The following ATL3 variants were observed in gnomAD, a reference collection of about 807,000 sequenced individuals.
ATL3 encodes the protein atlastin-3.
In ATL3, 49 loss-of-function variants were observed where a neutral mutation model predicts 69.5. That is an observed-to-expected ratio of 0.71 (90% CI 0.56 to 0.89). The LOEUF is 0.89. Among genes scored for constraint, ATL3 ranks in the 40% least tolerant of loss-of-function variants. The probability of loss-of-function intolerance (pLI) is 0.00; values close to 1 mark genes in which losing one functional copy is unlikely to be tolerated. For missense variants in ATL3, 606 were observed against 645.7 expected, an observed-to-expected ratio of 0.94 and a Z score of 0.67; for synonymous variants, 214 against 224.1, an observed-to-expected ratio of 0.95 and a Z score of 0.40.
At chr11:63,647,739 T>G (rs1197183748) in intron 5 of ATL3, among the ~76,000 whole-genome samples, 1 of 152,178 alleles carries the variant, frequency 6.6e-6, no homozygotes, top group Non-Finnish European at 1.5e-5. Context: ...TCAGGAAGCC[T>G]CACTAAAAGC....
intron 3 of ATL3, among the ~76,000 whole-genome samples, chr11:63,653,026 C>A (rs902458137): frequency 6.6e-6 from 1 of 152,014 alleles, no homozygotes; most frequent in Admixed American, 6.6e-5. Flanking sequence ...CCAGTCTCTA[C>A]ATAAAATTTA....
At position 63,659,118 on chromosome 11, in the gene ATL3, C is replaced by T. The variant is rs780384834; in HGVS notation, c.181G>A (p.Val61Met). The change falls in exon 2 of 13, where the codon GTG becomes ATG. Residue 61 changes from valine (V) to methionine (M), a missense_variant. Physicochemically the swap from Val to Met is conservative, Grantham distance 21. Coordinates refer to ENST00000398868, the MANE Select transcript of ATL3 (RefSeq NM_015459.5). ...AAGGCACCAGCCACTGAAACCACCA[C>T]CACATCAAGATCTCGGATGTGGTCC... ...LQDHIRDLDVVVVSVAGAFRK... is the reference protein window; with the variant it reads ...LQDHIRDLDVMVVSVAGAFRK... The T allele has an allele frequency of 6.2e-7, 1 of 1,614,122 alleles. No homozygotes were observed. Among genetic ancestry groups the T allele is most frequent in the Admixed American group, 1.7e-5 (1 of 60,002 alleles).
intron 11 of ATL3, chr11:63,632,224 G>T: frequency 1.5e-6 from 1 of 675,540 alleles, no homozygotes. Flanking sequence ...ATAGAACTAT[G>T]CTTCGTGGTG....
intron 1 of ATL3, chr11:63,670,596 CTA>C (rs781395172): frequency 6.6e-6 from 1 of 152,238 alleles, no homozygotes; most frequent in East Asian, 1.9e-4. Context: ...AATACTTTCA[CTA>C]TGTTTCATGT....
At chr11:63,644,382 CTTTTT>C (rs5792299) in intron 6 of ATL3, 121 bp from the exon 7 acceptor site, 19 of 345,142 alleles carry the variant, frequency 5.5e-5, no homozygotes, top group Middle Eastern at 9.0e-4. Context: ...AAGGATTTAC[CTTTTT>C]TTTTTTTTTT....
intron 1 of ATL3, among the ~76,000 whole-genome samples, 198 bp from the exon 2 acceptor site, chr11:63,659,450 C>T (rs1940358248): frequency 6.6e-6 from 1 of 151,900 alleles, no homozygotes; most frequent in African/African-American, 2.4e-5. Flanking sequence ...AACGGTGAAA[C>T]CCAGCGCTAT....
intron 1 of ATL3, 143 bp from the exon 2 acceptor site, chr11:63,659,395 A>C (rs562698463): frequency 3.0e-6 from 2 of 668,350 alleles, no homozygotes; most frequent in Non-Finnish European, 5.0e-6. Flanking sequence ...GGGAAACCAA[A>C]GCAGAAAGAT....
At chr11:63,632,665 T>G (rs1389085395) in intron 11 of ATL3, 7 of 1,137,746 alleles carry the variant, frequency 6.2e-6, no homozygotes, top group Non-Finnish European at 9.3e-6. Flanking sequence ...ATTCGGCCTC[T>G]GAGTGATTTT....
At chr11:63,668,320 T>A (rs952226029) in intron 1 of ATL3, among the ~76,000 whole-genome samples, 1 of 152,122 alleles carries the variant, frequency 6.6e-6, no homozygotes, top group African/African-American at 2.4e-5. Context: ...ACTAAGACCT[T>A]AGCCAACTCT....
intron 11 of ATL3, 77 bp downstream of exon 11, chr11:63,632,949 G>C: frequency 7.5e-7 from 1 of 1,326,404 alleles, no homozygotes; most frequent in Non-Finnish European, 1.1e-6. Flanking sequence ...CATTAAGTAG[G>C]ATCAAGTTGG....
chr11:63,671,376 G>T lies in ATL3; in HGVS notation c.-41C>A. 6.4e-7 allele frequency: 1 copy of T among 1,555,084 alleles called. No homozygotes were observed. Among genetic ancestry groups the T allele is most frequent in the East Asian group, 2.6e-5 (1 of 38,858 alleles). On this transcript the variant is annotated 5_prime_UTR_variant, in exon 1 of 13. Coordinates refer to ENST00000398868, the MANE Select transcript of ATL3 (RefSeq NM_015459.5). ...AAAGCAGAAGCAGCAGGGGTGCAGA[G>T]GAGAGGGACGGGTGCGGGCGGGAAC...
chr11:63,631,557 G>A (rs1170077902), intron 11 of ATL3, 86 bp from the exon 12 acceptor site: 2 of 1,208,188 alleles, frequency 1.7e-6, no homozygotes, highest in Admixed American at 2.6e-5. Context: ...GAAAGGATTA[G>A]AATGTTTTAA....
intron 3 of ATL3, among the ~76,000 whole-genome samples, chr11:63,654,145 A>AT (rs1330665161): frequency 3.6e-4 from 53 of 149,256 alleles, no homozygotes; most frequent in Non-Finnish European, 4.3e-4. Flanking sequence ...TAAAGATACA[A>AT]TTTGTTTTTT....
At chr11:63,649,316 T>C (rs1443294746) in intron 5 of ATL3, among the ~76,000 whole-genome samples, 1 of 152,122 alleles carries the variant, frequency 6.6e-6, no homozygotes, top group African/African-American at 2.4e-5. Flanking sequence ...CAGCTAATTT[T>C]TGTATTTTTA....
At chr11:63,651,047 G>C (rs1231797016) in intron 5 of ATL3, among the ~76,000 whole-genome samples, 2 of 152,128 alleles carry the variant, frequency 1.3e-5, no homozygotes, top group African/African-American at 4.8e-5. Context: ...ATGCTTTCTT[G>C]AATGTCAGTG....
Position 63,635,610 on chromosome 11 carries a change from A to G in ATL3, c.979-20T>C. The G allele has an allele frequency of 6.5e-7, 1 of 1,545,136 alleles. No homozygotes were observed. The highest frequency in any genetic ancestry group is 8.9e-7 in the Non-Finnish European group (1 of 1,120,530). On this transcript the variant is annotated intron_variant, in intron 9 of 12. Transcript: ENST00000398868. ...ATATGCCTTAAAATATAAACATAAA[A>G]ACTGCTATAAAATGTTATTCAGTCA...
At chr11:63,660,299 T>C (rs1170074478) in intron 1 of ATL3, among the ~76,000 whole-genome samples, 1 of 152,134 alleles carries the variant, frequency 6.6e-6, no homozygotes, top group Non-Finnish European at 1.5e-5. Context: ...AAGAAAAAGA[T>C]ATACAAATCC....
rs1381912169 is a variant in ATL3, at chr11:63,632,839, A to AACAAG, written c.1107+182_1107+186dup. ...TGCTATTCAAAACAAAACAAAACAA[A>AACAAG]ACAAGAACAAACAAACAAACAAAGA... On this transcript the variant is annotated intron_variant, in intron 11 of 12. Transcript: ENST00000398868. 37 of 758,552 alleles carry AACAAG rather than the reference A, an allele frequency of 4.9e-5. No homozygotes were observed. The South Asian group carries it at 6.5e-4, about 13-fold the overall frequency. 47.0% of individuals were successfully genotyped at this position (758,552 alleles called of 1,614,324 possible). A position where few individuals can be genotyped will look rare whatever the true frequency, so the allele number is the denominator to read the frequency against.
intron 4 of ATL3, among the ~76,000 whole-genome samples, chr11:63,652,218 T>C (rs1257645766): frequency 6.6e-6 from 1 of 152,218 alleles, no homozygotes; most frequent in Non-Finnish European, 1.5e-5. Context: ...ATCAAATCTG[T>C]ATTTTCTATA....
Sources: gnomAD v4.1 joint callset for allele counts (sites outside exome capture counted in the v4.1 genomes callset) on GRCh38, gnomAD v4.1.1 for gene constraint, MANE v1.5 for transcripts, NCBI Gene and HGNC (gene_info 2026-07-23, HGNC 2026-07-21) for gene names.